CDKAL1: variants seen among roughly 807,000 people sequenced by gnomAD.
CDKAL1 encodes CDKAL1 threonylcarbamoyladenosine tRNA methylthiotransferase.
CDKAL1 carries 32 observed loss-of-function variants against 68.2 expected under a neutral mutation model. The observed-to-expected ratio is 0.47, with a 90% CI of 0.35 to 0.63. CDKAL1 has a LOEUF of 0.63. CDKAL1 is among the 30% of genes least tolerant of loss of function. The pLI, the probability that CDKAL1 is intolerant of heterozygous loss-of-function variation, is 0.00. For synonymous variants in CDKAL1, 234 were observed against 244.3 expected, an observed-to-expected ratio of 0.96 and a Z score of 0.39; for missense variants, 606 against 696.7, an observed-to-expected ratio of 0.87 and a Z score of 1.47.
chr6:20,559,328 C>T (rs1000740632), intron 4 of CDKAL1: 1 of 152,116 alleles, frequency 6.6e-6, no homozygotes, highest in Non-Finnish European at 1.5e-5. Context: ...GTTGTGAATT[C>T]TAAAATGTTT....
At chr6:20,950,706 C>T (rs566679661) in intron 9 of CDKAL1, among the ~76,000 whole-genome samples, 5 of 152,034 alleles carry the variant, frequency 3.3e-5, no homozygotes, top group Admixed American at 3.3e-4. Context: ...TGGCTCATGC[C>T]GGTAATCCCA....
intron 5 of CDKAL1, among the ~76,000 whole-genome samples, chr6:20,692,860 C>T (rs1251952807): frequency 6.6e-6 from 1 of 151,970 alleles, no homozygotes; most frequent in East Asian, 1.9e-4. Context: ...GGTGCGGTGG[C>T]TCACACTTGT....
chr6:20,546,171 A>G (rs199937201), intron 2 of CDKAL1, among the ~76,000 whole-genome samples, 175 bp from the exon 3 acceptor site: 1 of 90,762 alleles, frequency 1.1e-5, no homozygotes. Context: ...TCTTTTTTCA[A>G]TATACCCAAG....
chr6:20,702,426 A>T (rs1771407866), intron 5 of CDKAL1, among the ~76,000 whole-genome samples: 1 of 152,140 alleles, frequency 6.6e-6, no homozygotes, highest in African/African-American at 2.4e-5. Context: ...GCCTTGGTGT[A>T]CCGGAAGAAT....
intron 8 of CDKAL1, among the ~76,000 whole-genome samples, chr6:20,803,627 TG>T (rs1776456583): frequency 6.6e-6 from 1 of 152,040 alleles, no homozygotes; most frequent in Non-Finnish European, 1.5e-5. Context: ...TTGACGTAGG[TG>T]GAAGAGTGGG....
intron 7 of CDKAL1, among the ~76,000 whole-genome samples, chr6:20,777,460 T>C (rs1462414776): frequency 6.6e-6 from 1 of 151,814 alleles, no homozygotes; most frequent in Non-Finnish European, 1.5e-5. Context: ...AAAAAAAATT[T>C]AAAAAGTAAC....
chr6:20,554,572 T>C (rs1054764775), intron 4 of CDKAL1, among the ~76,000 whole-genome samples: 4 of 152,246 alleles, frequency 2.6e-5, no homozygotes, highest in Non-Finnish European at 5.9e-5. Flanking sequence ...GAATAAATTT[T>C]GTCTTAAGTG....
chr6:20,810,789 A>AT (rs1334462791), intron 8 of CDKAL1, among the ~76,000 whole-genome samples: 1 of 152,056 alleles, frequency 6.6e-6, no homozygotes, highest in Non-Finnish European at 1.5e-5. Flanking sequence ...ATCATTAAAC[A>AT]TCTAGTCAGT....
intron 5 of CDKAL1, among the ~76,000 whole-genome samples, chr6:20,702,146 T>TC (rs1322301546): frequency 2.6e-5 from 4 of 152,168 alleles, no homozygotes; most frequent in African/African-American, 7.2e-5. Context: ...GGTTCCCTTG[T>TC]CCCCCTCGCA....
intron 5 of CDKAL1, among the ~76,000 whole-genome samples, chr6:20,698,932 A>G (rs866359794): frequency 6.6e-6 from 1 of 152,218 alleles, no homozygotes; most frequent in African/African-American, 2.4e-5. Flanking sequence ...AAATGATACA[A>G]ATCAGACCAA....
rs151275050 is a variant in CDKAL1 at position 21,149,398 on chromosome 6, G to A, written c.1299+40935G>A. Among the ~76,000 whole-genome samples the A allele has an allele frequency of 2.6e-3, 393 of 151,978 alleles. 1 individual carries two copies. Among genetic ancestry groups the A allele is most frequent in the African/African-American group, 9.2e-3 (380 of 41,464 alleles). ...TGACTTCAAGTAATTTGCCCGCCTCGGCCTCCCAAAGTGCTGGGATTACAG... is the reference window on the plus strand; with the variant it reads ...TGACTTCAAGTAATTTGCCCGCCTCAGCCTCCCAAAGTGCTGGGATTACAG... On this transcript the variant is annotated intron_variant, in intron 13 of 15. Coordinates refer to ENST00000274695, the MANE Select transcript of CDKAL1 (RefSeq NM_017774.3).
intron 9 of CDKAL1, among the ~76,000 whole-genome samples, chr6:20,938,401 G>A (rs868060377): frequency 1.3e-5 from 2 of 152,176 alleles, no homozygotes; most frequent in Middle Eastern, 3.4e-3. Flanking sequence ...AGATATGATC[G>A]CTAGTTGTGT....
intron 7 of CDKAL1, among the ~76,000 whole-genome samples, chr6:20,759,831 C>G (rs1032418172): frequency 2.0e-5 from 3 of 152,062 alleles, no homozygotes; most frequent in Non-Finnish European, 4.4e-5. Context: ...TTGATTAGCA[C>G]AAATGAAAAC....
At chr6:20,948,937 T>A (rs1764391620) in intron 9 of CDKAL1, among the ~76,000 whole-genome samples, 2 of 152,208 alleles carry the variant, frequency 1.3e-5, no homozygotes, top group African/African-American at 4.8e-5. Context: ...CCTGCAGAAG[T>A]ATGGAAATAA....
chr6:21,102,987 G>T (rs1408445224), intron 12 of CDKAL1, among the ~76,000 whole-genome samples: 2 of 152,170 alleles, frequency 1.3e-5, no homozygotes, highest in South Asian at 4.1e-4. Flanking sequence ...TATGATGAAG[G>T]CTTGCAGAAC....
At chr6:20,797,275 G>A (rs925678116) in intron 8 of CDKAL1, among the ~76,000 whole-genome samples, 4 of 152,070 alleles carry the variant, frequency 2.6e-5, no homozygotes, top group South Asian at 2.1e-4. Flanking sequence ...AAAGTTTTTC[G>A]ACATCATTAA....
At chr6:21,192,029 T>TTTTTTTC (rs1778268951) in intron 13 of CDKAL1, among the ~76,000 whole-genome samples, 1 of 112,852 alleles carries the variant, frequency 8.9e-6, no homozygotes, top group African/African-American at 3.5e-5. Context: ...TTTTTTTTTT[T>TTTTTTTC]TTTGAGACGG....
intron 12 of CDKAL1, among the ~76,000 whole-genome samples, chr6:21,099,788 G>C: frequency 6.6e-6 from 1 of 152,168 alleles, no homozygotes; most frequent in East Asian, 1.9e-4. Context: ...TTTTTATTTT[G>C]CAGGGATTTG....
At chr6:20,774,902 G>T (rs1775106653) in intron 7 of CDKAL1, among the ~76,000 whole-genome samples, 1 of 152,122 alleles carries the variant, frequency 6.6e-6, no homozygotes, top group Non-Finnish European at 1.5e-5. Flanking sequence ...ATTGAATTTG[G>T]TTTTAACAGG....
Sources: gnomAD v4.1 joint callset for allele counts (sites outside exome capture counted in the v4.1 genomes callset) on GRCh38, gnomAD v4.1.1 for gene constraint, MANE v1.5 for transcripts, NCBI Gene and HGNC (gene_info 2026-07-23, HGNC 2026-07-21) for gene names.